Variants in KCTD3 observed in about 807,000 individuals in gnomAD.
KCTD3 encodes BTB/POZ domain-containing protein KCTD3.
Under a neutral mutation model 85.8 loss-of-function variants are expected in KCTD3, and 41 were observed. The observed-to-expected ratio is 0.48, with a 90% confidence interval of 0.37 to 0.62. The LOEUF (loss-of-function observed/expected upper bound fraction) is 0.62, where lower values mean the gene tolerates loss of function less well. KCTD3 is among the 20% of genes least tolerant of loss of function. The pLI is 0.00. For missense variants in KCTD3, 724 were observed against 989.9 expected (o/e 0.73, Z 3.60); for synonymous variants, 338 against 345.4 (o/e 0.98, Z 0.24).
chr1:215,615,654 A>G (rs1655415122), intron 15 of KCTD3, among the ~76,000 whole-genome samples: 1 of 151,688 alleles, frequency 6.6e-6, no homozygotes, highest in East Asian at 1.9e-4. Flanking sequence ...GCATAGGGGG[A>G]AAAAAGTTCA....
At chr1:215,617,790 A>C (rs1655513620) in intron 15 of KCTD3, among the ~76,000 whole-genome samples, 1 of 147,312 alleles carries the variant, frequency 6.8e-6, no homozygotes, top group South Asian at 2.1e-4. Context: ...ATATATATAT[A>C]ATGTATATAT....
intron 15 of KCTD3, among the ~76,000 whole-genome samples, chr1:215,617,296 G>A (rs771843763): frequency 4.6e-5 from 7 of 152,294 alleles, no homozygotes; most frequent in Admixed American, 2.6e-4. Context: ...TGGGAACCCT[G>A]ATTTACAGTC....
intron 1 of KCTD3, among the ~76,000 whole-genome samples, chr1:215,570,230 CTT>C (rs528176748): frequency 1.0e-4 from 14 of 139,234 alleles, no homozygotes; most frequent in African/African-American, 1.6e-4. Flanking sequence ...TCGGTAAGGT[CTT>C]TTTTTTTTTT....
At chr1:215,583,320 C>T (rs188622071) in intron 8 of KCTD3, among the ~76,000 whole-genome samples, 48 of 152,244 alleles carry the variant, frequency 3.2e-4, no homozygotes, top group African/African-American at 1.1e-3. Context: ...TGTTCCTCCC[C>T]TTTTTAGACC....
intron 5 of KCTD3, 117 bp from the exon 6 acceptor site, chr1:215,577,884 A>T (rs1659651608): frequency 6.9e-7 from 1 of 1,453,606 alleles, no homozygotes; most frequent in Non-Finnish European, 9.4e-7. Context: ...GTCAACTCTG[A>T]CTTAATTAAA....
intron 1 of KCTD3, among the ~76,000 whole-genome samples, chr1:215,569,125 C>CTTTT (rs397964441): frequency 1.2e-3 from 173 of 139,054 alleles, no homozygotes; most frequent in African/African-American, 4.3e-3. Context: ...CTTTAATTTT[C>CTTTT]TTTTTTTTTT....
At chr1:215,599,757 G>GCAGA (rs1015883791) in intron 10 of KCTD3, among the ~76,000 whole-genome samples, 8 of 152,118 alleles carry the variant, frequency 5.3e-5, no homozygotes, top group Non-Finnish European at 4.4e-5. Flanking sequence ...GGAAAGAAAG[G>GCAGA]CAGATCATGA....
chr1:215,618,871 G>A lies in KCTD3; in HGVS notation c.1563-15G>A. 1 of 1,561,350 alleles carries A rather than the reference G, an allele frequency of 6.4e-7. No homozygotes were observed. Among genetic ancestry groups the A allele is most frequent in the Non-Finnish European group, 8.6e-7 (1 of 1,162,024 alleles). The stretch of plus-strand genomic sequence containing the variant: ...GCTCATTCCCATCAGGGCTCTTTCT[G>A]CTTTTCTTTTGCAGAATATGTGAGA... On this transcript the variant is annotated splice_polypyrimidine_tract_variant and intron_variant, in intron 15 of 17. Coordinates refer to ENST00000259154, the MANE Select transcript of KCTD3 (RefSeq NM_016121.5).
chr1:215,583,455 A>G (rs954723078), intron 8 of KCTD3, among the ~76,000 whole-genome samples: 1 of 152,230 alleles, frequency 6.6e-6, no homozygotes, highest in Admixed American at 6.5e-5. Context: ...ACCAGAGGTC[A>G]CTTTTGTTGC....
At chr1:215,581,177 T>G (rs1006982629) in intron 8 of KCTD3, 3 of 243,396 alleles carry the variant, frequency 1.2e-5, no homozygotes, top group Non-Finnish European at 2.5e-5. Context: ...ACCCAGGAGG[T>G]GGGGGTTGCA....
rs371282812 is a variant in KCTD3 at position 215,568,480 on chromosome 1, C to T, written c.83+712C>T. On this transcript the variant is annotated intron_variant, in intron 1 of 17. Transcript: ENST00000259154. Reference sequence around the variant, plus strand: ...CTTCTCTGTCTGTTCTCTTTCTGGCCTTCCGCCCCCCCCCCCCCCCGCCCC... The same window carrying T: ...CTTCTCTGTCTGTTCTCTTTCTGGCTTTCCGCCCCCCCCCCCCCCCGCCCC... Among the ~76,000 whole-genome samples the T allele has an allele frequency of 4.7e-4, 15 of 31,730 alleles. No individual in the cohort carries two copies. In the East Asian group the frequency reaches 0.012, roughly 26 times the overall value. The allele number at this position is 31,730 out of a possible 152,430, so 20.8% of individuals were successfully genotyped here.
chr1:215,586,985 TGA>T (rs1300658162), intron 9 of KCTD3, among the ~76,000 whole-genome samples: 3 of 152,172 alleles, frequency 2.0e-5, no homozygotes, highest in African/African-American at 7.2e-5. Flanking sequence ...CTCAAACTAC[TGA>T]ACCTGAATGT....
At chr1:215,574,018 C>T (rs1210713864) in intron 2 of KCTD3, 55 bp from the exon 3 acceptor site, 3 of 1,295,950 alleles carry the variant, frequency 2.3e-6, no homozygotes, top group African/African-American at 1.5e-5. Flanking sequence ...AGAATTAGCA[C>T]ATTTGTTTAT....
chr1:215,608,761 A>G (rs919241493), intron 14 of KCTD3, among the ~76,000 whole-genome samples: 8 of 151,722 alleles, frequency 5.3e-5, no homozygotes, highest in African/African-American at 1.9e-4. Flanking sequence ...AGATCATTCC[A>G]CCCCCGGCCC....
intron 4 of KCTD3, among the ~76,000 whole-genome samples, chr1:215,576,492 C>T (rs1243370476): frequency 6.6e-6 from 1 of 152,100 alleles, no homozygotes; most frequent in Non-Finnish European, 1.5e-5. Flanking sequence ...AGGAGGATCC[C>T]TTGAGGCCGG....
At chr1:215,576,728 C>A (rs373485512) in intron 4 of KCTD3, among the ~76,000 whole-genome samples, 1 of 151,922 alleles carries the variant, frequency 6.6e-6, no homozygotes, top group Non-Finnish European at 1.5e-5. Context: ...CCACCACACC[C>A]GGCTAATTTT....
At chr1:215,607,190 A>C (rs1018844393) in intron 13 of KCTD3, among the ~76,000 whole-genome samples, 15 of 151,958 alleles carry the variant, frequency 9.9e-5, no homozygotes, top group East Asian at 1.9e-4. Context: ...GTATATAAGA[A>C]ATTTTAGATA....
intron 10 of KCTD3, among the ~76,000 whole-genome samples, chr1:215,596,103 A>G (rs1660406985): frequency 6.6e-6 from 1 of 152,226 alleles, no homozygotes; most frequent in African/African-American, 2.4e-5. Flanking sequence ...AGAATATTTC[A>G]TAGACCTTCC....
In KCTD3 at chr1:215,604,256, A is replaced by C; in HGVS notation, c.1263A>C (p.Arg421=). ...TTTTTCAGACTTTCACAGTTCACCG[A>C]AGTCCCGTAACAAAAATCATGCTAT... The part of the protein sequence containing the change: ...PQLFQTFTVH[R]SPVTKIMLSE... The change falls in exon 13 of 18, where the codon CGA becomes CGC. Residue 421 remains arginine, a synonymous_variant. Transcript: ENST00000259154. 1 of 1,614,024 alleles carries C rather than the reference A, an allele frequency of 6.2e-7. No homozygotes were observed. Among genetic ancestry groups the C allele is most frequent in the East Asian group, 2.2e-5 (1 of 44,882 alleles).
Sources: gnomAD v4.1 joint callset for allele counts (sites outside exome capture counted in the v4.1 genomes callset) on GRCh38, gnomAD v4.1.1 for gene constraint, MANE v1.5 for transcripts, NCBI Gene and HGNC (gene_info 2026-07-23, HGNC 2026-07-21) for gene names.